Variants in TMEM43 observed in about 807,000 individuals in gnomAD.
TMEM43 encodes the protein arrhythmogenic right ventricular dysplasia 5.
Under a neutral mutation model 49.6 loss-of-function variants are expected in TMEM43, and 45 were observed. That is an observed-to-expected ratio of 0.91 (90% CI 0.71 to 1.16). The LOEUF (loss-of-function observed/expected upper bound fraction) is 1.16. Among genes scored for constraint, TMEM43 ranks in the 50% most tolerant of loss-of-function variants. The pLI is 0.00. For missense variants in TMEM43, 532 were observed against 516.6 expected (o/e 1.03, Z -0.29); for synonymous variants, 199 against 207.8 (o/e 0.96, Z 0.36).
chr3:14,135,756 C>T (rs768516856), intron 9 of TMEM43, 51 bp from the exon 10 acceptor site: 16 of 1,521,592 alleles, frequency 1.1e-5, no homozygotes, highest in East Asian at 2.3e-5. Flanking sequence ...CTCTCGTGGG[C>T]GTGTCTCCCG....
rs1424606125 is a variant in TMEM43, at chr3:14,134,838, A to C, written c.652A>C (p.Ile218Leu). ...CAAGCTGGAGGACCCTCATGTGGAC[A>C]TCATTCGCCGTGGAGACTTTTTCTA... ...LSKLEDPHVDIIRRGDFFYHS... is the reference protein window; with the variant it reads ...LSKLEDPHVDLIRRGDFFYHS... The change falls in exon 8 of 12, where the codon ATC becomes CTC. Residue 218 changes from isoleucine to leucine, a missense_variant. Coordinates refer to ENST00000306077, the MANE Select transcript of TMEM43 (RefSeq NM_024334.3). 1 of 1,614,200 alleles carries C rather than the reference A, an allele frequency of 6.2e-7. No homozygotes were observed. Among genetic ancestry groups the C allele is most frequent in the Non-Finnish European group, 8.5e-7 (1 of 1,180,030 alleles).
Position 14,130,010 on chromosome 3 carries a change from CCCCT to C in TMEM43, c.162+466_162+469del, listed in dbSNP as rs551840073. Among the ~76,000 whole-genome samples, 735 of 149,462 alleles carry C rather than the reference CCCCT, an allele frequency of 4.9e-3. 3 individuals are homozygous for C. The highest frequency in any genetic ancestry group is 7.4e-3 in the Non-Finnish European group (500 of 67,230). On this transcript the variant is annotated intron_variant, in intron 2 of 11. Transcript: ENST00000306077. ...TTCCTTTCTTTCTTTTCCTTTCTTT[CCCCT>C]CCCTCCCTCCCTCCCTTCCTTTGTT...
chr3:14,136,450 C>G (rs1695171278), intron 10 of TMEM43, among the ~76,000 whole-genome samples: 2 of 152,194 alleles, frequency 1.3e-5, no homozygotes, highest in South Asian at 4.1e-4. Flanking sequence ...AGTACTGATG[C>G]ATCGTGCCGA....
intron 6 of TMEM43, 119 bp downstream of exon 6, chr3:14,133,054 G>C (rs374494474): frequency 3.1e-5 from 28 of 907,914 alleles, no homozygotes; most frequent in East Asian, 1.4e-4. Context: ...TGAAAATGTG[G>C]GACATGGGTT....
chr3:14,139,333 C>T (rs1695219345), intron 11 of TMEM43, 36 bp downstream of exon 11: 3 of 1,467,606 alleles, frequency 2.0e-6, no homozygotes, highest in Non-Finnish European at 2.9e-6. Context: ...CTCCCTCCTG[C>T]ACCCTGAAAG....
In TMEM43 at chr3:14,125,086, G is replaced by A. The variant is rs1056602621; in HGVS notation, c.-108G>A. On this transcript the variant is annotated 5_prime_UTR_variant, in exon 1 of 12. Coordinates refer to ENST00000306077, the MANE Select transcript of TMEM43 (RefSeq NM_024334.3). ...CCCGCTTGGCCCTGGAGTCCACGCG[G>A]ATTTTCGAAGCTGGGGCTGGCAAGA... is the stretch of plus-strand genomic sequence containing the variant. 3 of 1,473,644 alleles carry A rather than the reference G, an allele frequency of 2.0e-6. No individual in the cohort carries two copies. Among genetic ancestry groups the A allele is most frequent in the African/African-American group, 1.4e-5 (1 of 72,142 alleles). The allele number at this position is 1,473,644 out of a possible 1,614,324, so 91.3% of individuals were successfully genotyped here.
At position 14,141,936 on chromosome 3, in the gene TMEM43, T is replaced by C; in HGVS notation, c.*141T>C. On this transcript the variant is annotated 3_prime_UTR_variant, in exon 12 of 12. Coordinates refer to ENST00000306077, the MANE Select transcript of TMEM43 (RefSeq NM_024334.3). Reference sequence around the variant, plus strand: ...CCCTCTCCTCTTCAGGGGCCAGACTTGGCAGCATGTGCACCAGGTTGGTGT... The same window carrying C: ...CCCTCTCCTCTTCAGGGGCCAGACTCGGCAGCATGTGCACCAGGTTGGTGT... 1.3e-6 allele frequency: 1 copy of C among 765,672 alleles called. No individual in the cohort carries two copies. Among genetic ancestry groups the C allele is most frequent in the South Asian group, 1.8e-5 (1 of 55,506 alleles). The allele number at this position is 765,672 out of a possible 1,614,324, so 47.4% of individuals were successfully genotyped here.
intron 6 of TMEM43, 82 bp downstream of exon 6, chr3:14,133,017 G>T: frequency 2.5e-6 from 3 of 1,218,606 alleles, no homozygotes; most frequent in African/African-American, 3.0e-5. Context: ...CTGAATAACA[G>T]GATTGAGTTA....
chr3:14,140,912 T>G (rs1695238293), intron 11 of TMEM43, among the ~76,000 whole-genome samples: 1 of 152,194 alleles, frequency 6.6e-6, no homozygotes, highest in African/African-American at 2.4e-5. Flanking sequence ...TCCAGACCAT[T>G]GGTGGCCTCC....
In TMEM43 at chr3:14,130,946, G is replaced by C. The variant is rs748343919; in HGVS notation, c.287G>C (p.Arg96Pro). Reference sequence around the variant, plus strand: ...CTGGTGCACATCATTGGCGCCTTACGGACATCCAAGGTAGGTTTGGCAGGG... The same window carrying C: ...CTGGTGCACATCATTGGCGCCTTACCGACATCCAAGGTAGGTTTGGCAGGG... ...GRLVHIIGAL[R>P]TSKLLSDPNY... is the part of the protein sequence containing the mutation. Residue 96 changes from arginine (R) to proline (P), a missense_variant, in exon 3 of 12, where the codon CGG (arginine) becomes CCG (proline). Physicochemically the swap from Arg to Pro is moderately radical, Grantham distance 103. Transcript: ENST00000306077. 22 of 1,610,668 alleles carry C rather than the reference G, an allele frequency of 1.4e-5. No individual in the cohort carries two copies. The Admixed American group carries it at 3.5e-4, about 26-fold the overall frequency.
intron 1 of TMEM43, among the ~76,000 whole-genome samples, chr3:14,125,687 A>AG (rs1412111530): frequency 2.0e-5 from 3 of 152,140 alleles, no homozygotes; most frequent in African/African-American, 4.8e-5. Context: ...TCTCCGCCCT[A>AG]GGGAGTCTCT....
chr3:14,125,330 C>A, intron 1 of TMEM43, 125 bp downstream of exon 1: 1 of 1,190,776 alleles, frequency 8.4e-7, no homozygotes, highest in Non-Finnish European at 1.2e-6. Flanking sequence ...CCGCATCTCC[C>A]TCTGCTCGCC....
At chr3:14,125,519 G>T (rs1170181372) in intron 1 of TMEM43, among the ~76,000 whole-genome samples, 1 of 152,138 alleles carries the variant, frequency 6.6e-6, no homozygotes, top group Non-Finnish European at 1.5e-5. Context: ...TGCATTCCCA[G>T]TTCCCTCCTG....
rs1167948235 is a variant in TMEM43, at chr3:14,133,756, C to T, written c.530C>T (p.Ser177Leu). 13 of 1,614,078 alleles carry T rather than the reference C, an allele frequency of 8.1e-6. No individual in the cohort carries two copies. The highest frequency in any genetic ancestry group is 1.1e-5 in the Non-Finnish European group (13 of 1,180,024). The change falls in exon 7 of 12, where the codon TCA becomes TTA. Residue 177 changes from serine to leucine, a missense_variant. Ser to Leu is a moderately radical substitution (Grantham distance 145). Transcript: ENST00000306077. ...TCCCACAGTGCCATGGCAGTGGAGT[C>T]ATTCATGGCAACAGCCCCCTTTGTC... ...HKNPSAMAVE[S>L]FMATAPFVQI...
At position 14,142,478 on chromosome 3, in the gene TMEM43, A is replaced by AT. The variant is rs1261209472; in HGVS notation, c.*686dup. On this transcript the variant is annotated 3_prime_UTR_variant, in exon 12 of 12. Transcript: ENST00000306077. ...AGTGTGTGGGATCTCTGAAGGCCCT[A>AT]TTTAAGTTTTTCTTCGTTACTTTGC... The AT allele has an allele frequency of 1.2e-4, 19 of 152,638 alleles. No individual in the cohort carries two copies. The highest frequency in any genetic ancestry group is 4.6e-4 in the African/African-American group (19 of 41,434). 9.5% of individuals were successfully genotyped at this position (152,638 alleles called of 1,614,324 possible).
intron 11 of TMEM43, among the ~76,000 whole-genome samples, chr3:14,140,478 A>G (rs889348621): frequency 6.6e-6 from 1 of 152,158 alleles, no homozygotes. Context: ...GGAAGCACAC[A>G]GTTCCCCATG....
At chr3:14,129,640 G>A in intron 2 of TMEM43, 79 bp downstream of exon 2, 2 of 1,529,572 alleles carry the variant, frequency 1.3e-6, no homozygotes, top group South Asian at 1.1e-5. Context: ...CCCGGAGGCT[G>A]GATTTGGTAA....
chr3:14,137,203 T>A (rs970869694), intron 10 of TMEM43: 10 of 149,532 alleles, frequency 6.7e-5, no homozygotes, highest in African/African-American at 2.0e-4. Flanking sequence ...GTCAGGCTGT[T>A]GCCCAGGAGC....
intron 1 of TMEM43, among the ~76,000 whole-genome samples, chr3:14,125,932 G>A (rs1695014245): frequency 6.6e-6 from 1 of 152,184 alleles, no homozygotes; most frequent in Admixed American, 6.5e-5. Context: ...CTACCAGGGC[G>A]CTGGGTGTGG....
Sources: gnomAD v4.1 joint callset for allele counts (sites outside exome capture counted in the v4.1 genomes callset) on GRCh38, gnomAD v4.1.1 for gene constraint, MANE v1.5 for transcripts, NCBI Gene and HGNC (gene_info 2026-07-23, HGNC 2026-07-21) for gene names.